The following LHX6 variants were observed in gnomAD, a reference collection of about 807,000 sequenced individuals.
LHX6 encodes the protein LIM homeobox 6.
A neutral mutation model predicts 47.1 loss-of-function variants in LHX6; 15 were observed. The observed-to-expected ratio is 0.32, with a 90% CI of 0.21 to 0.49. LHX6 has a LOEUF of 0.49. Ranked by LOEUF, LHX6 falls within the 20% of genes least tolerant of loss-of-function variation. The pLI is 0.99. For synonymous variants in LHX6, 242 were observed against 233.5 expected (o/e 1.04, Z -0.33); for missense variants, 404 against 539.6 (o/e 0.75, Z 2.49).
intron 9 of LHX6, among the ~76,000 whole-genome samples, chr9:122,207,512 C>T (rs974183676): frequency 3.3e-5 from 5 of 152,164 alleles, no homozygotes; most frequent in African/African-American, 9.7e-5. Flanking sequence ...GAAGTAGCTG[C>T]CTTGAACAGA....
intron 4 of LHX6, among the ~76,000 whole-genome samples, chr9:122,224,874 C>T (rs1564445961): frequency 6.6e-6 from 1 of 152,190 alleles, no homozygotes; most frequent in Non-Finnish European, 1.5e-5. Context: ...CTGCACAGAT[C>T]CCAGACAATA....
At position 122,226,330 on chromosome 9, in the gene LHX6, G is replaced by A. The variant is rs201673615; in HGVS notation, c.461+46C>T. 2,582 of 1,579,636 alleles carry A rather than the reference G, an allele frequency of 1.6e-3. 3 individuals are homozygous for A. Among genetic ancestry groups the A allele is most frequent in the Middle Eastern group, 4.3e-3 (24 of 5,614 alleles). On this transcript the variant is annotated intron_variant, in intron 4 of 9. Coordinates refer to ENST00000394319, the MANE Select transcript of LHX6 (RefSeq NM_014368.5). The surrounding 1 kb of genome is among the most constrained non-coding windows in gnomAD (Gnocchi z 6.5). ...GCAAAAGTGGCCTCCGAATGCGCCC[G>A]GGGCCTGCCCTCGGCGACACTGCTG...
Position 122,226,809 on chromosome 9 carries a change from G to T in LHX6, c.339+39C>A. 2 of 1,543,270 alleles carry T rather than the reference G, an allele frequency of 1.3e-6. No homozygotes were observed. Among genetic ancestry groups the T allele is most frequent in the Non-Finnish European group, 1.8e-6 (2 of 1,142,848 alleles). On this transcript the variant is annotated intron_variant, in intron 3 of 9. Transcript: ENST00000394319. The surrounding 1 kb of genome is among the most constrained non-coding windows in gnomAD (Gnocchi z 6.5). ...TGCAGTCTCCTGCGCTGCGTCCCAC[G>T]CCCCGACAACACGCACGCAACACCT... is the stretch of plus-strand genomic sequence containing the variant.
intron 9 of LHX6, among the ~76,000 whole-genome samples, chr9:122,206,620 A>G (rs1682655219): frequency 6.6e-6 from 1 of 152,186 alleles, no homozygotes; most frequent in Non-Finnish European, 1.5e-5. Context: ...CAAATCTGAC[A>G]GCCCCCAGCA....
chr9:122,207,761 GCC>G (rs763345593), intron 9 of LHX6, among the ~76,000 whole-genome samples: 1 of 152,122 alleles, frequency 6.6e-6, no homozygotes, highest in East Asian at 1.9e-4. Context: ...AGGAGGCTGA[GCC>G]AGAGGTACCA....
In LHX6 at chr9:122,204,582, G is replaced by A. The variant is rs1376902666; in HGVS notation, c.*178C>T. Reference sequence around the variant, plus strand: ...TCTGTGGTGCTCCTGGTGGGTTCTGGTTCTCAGCAGGAGAGGGAAAGGCCA... The same window carrying A: ...TCTGTGGTGCTCCTGGTGGGTTCTGATTCTCAGCAGGAGAGGGAAAGGCCA... On this transcript the variant is annotated 3_prime_UTR_variant, in exon 10 of 10. Transcript: ENST00000394319. The A allele has an allele frequency of 1.1e-5, 6 of 571,060 alleles. No homozygotes were observed. The highest frequency in any genetic ancestry group is 1.9e-5 in the African/African-American group (1 of 51,930). 35.4% of individuals were successfully genotyped at this position (571,060 alleles called of 1,614,324 possible). A position where few individuals can be genotyped will look rare whatever the true frequency, so the allele number is the denominator to read the frequency against.
chr9:122,211,357 G>C (rs1203518608), intron 8 of LHX6, among the ~76,000 whole-genome samples: 2 of 152,120 alleles, frequency 1.3e-5, no homozygotes, highest in African/African-American at 4.8e-5. Context: ...CAGATTACTT[G>C]GAAAATGTAT....
chr9:122,207,460 G>A (rs1031976916), intron 9 of LHX6, among the ~76,000 whole-genome samples: 2 of 152,170 alleles, frequency 1.3e-5, no homozygotes, highest in African/African-American at 4.8e-5. Flanking sequence ...CCATCTCTAT[G>A]TCCACAAAGT....
intron 1 of LHX6, chr9:122,228,017 A>G: frequency 3.0e-6 from 1 of 338,148 alleles, no homozygotes; most frequent in South Asian, 2.6e-5. Flanking sequence ...TGCAAAAAGG[A>G]GAAAAGAGAG....
chr9:122,211,435 G>C (rs998166184), intron 8 of LHX6, among the ~76,000 whole-genome samples: 6 of 152,184 alleles, frequency 3.9e-5, no homozygotes, highest in African/African-American at 1.4e-4. Flanking sequence ...AAGCCTCCAG[G>C]AAACTCAGTA....
rs1830092063 is a variant in LHX6 at position 122,204,409 on chromosome 9, A to T, written c.*351T>A. 5.7e-6 allele frequency: 2 copies of T among 349,830 alleles called. No individual in the cohort carries two copies. Among genetic ancestry groups the T allele is most frequent in the East Asian group, 8.5e-5 (2 of 23,656 alleles). The allele number at this position is 349,830 out of a possible 1,614,324, so 21.7% of individuals were successfully genotyped here. ...TGTGGGGGAAAAAAACCTGTAAATG[A>T]GAAGGCCGTTGGCATCGCACAATTC... is the stretch of plus-strand genomic sequence containing the variant. On this transcript the variant is annotated 3_prime_UTR_variant, in exon 10 of 10. Coordinates refer to ENST00000394319, the MANE Select transcript of LHX6 (RefSeq NM_014368.5).
At position 122,226,790 on chromosome 9, in the gene LHX6, C is replaced by G; in HGVS notation, c.339+58G>C. The G allele has an allele frequency of 1.3e-6, 2 of 1,519,390 alleles. No homozygotes were observed. The highest frequency in any genetic ancestry group is 1.8e-6 in the Non-Finnish European group (2 of 1,127,318). The allele number at this position is 1,519,390 out of a possible 1,614,324, so 94.1% of individuals were successfully genotyped here. A position where few individuals can be genotyped will look rare whatever the true frequency, so the allele number is the denominator to read the frequency against. Reference sequence around the variant, plus strand: ...AGGACCTGCGGTGCTTCCCTGCAGTCTCCTGCGCTGCGTCCCACGCCCCGA... The same window carrying G: ...AGGACCTGCGGTGCTTCCCTGCAGTGTCCTGCGCTGCGTCCCACGCCCCGA... On this transcript the variant is annotated intron_variant, in intron 3 of 9. Transcript: ENST00000394319. This position sits in a 1 kb window ranked among gnomAD's most constrained non-coding sequence, Gnocchi z 6.5.
rs1291824569 is a variant in LHX6 at position 122,213,922 on chromosome 9, C to G, written c.879+52G>C. On this transcript the variant is annotated intron_variant, in intron 7 of 9. Transcript: ENST00000394319. This position sits in a 1 kb window ranked among gnomAD's most constrained non-coding sequence, Gnocchi z 5.5. ...CCACCCTCCGCGCCGAGCCCAGCTA[C>G]GAGCTCCGGGGCGTGCCCGCGGTCC... 5.2e-6 allele frequency: 8 copies of G among 1,549,916 alleles called. No individual in the cohort carries two copies. In the East Asian group the frequency reaches 1.4e-4, roughly 26 times the overall value.
chr9:122,214,063 G>A lies in LHX6; in HGVS notation c.790C>T (p.Gln264Ter), dbSNP rs868128260. 1 of 1,601,020 alleles carries A rather than the reference G, an allele frequency of 6.2e-7. No individual in the cohort carries two copies. The stretch of plus-strand genomic sequence containing the variant: ...TTGTTGTCCTGCGCGAACTGCGCCT[G>A]CATAACCTGCGGGGCGGGGAGGGCG... The part of the protein sequence containing the change: ...SFTAEQLQVM[Q>*]AQFAQDNNPD... The change falls in exon 7 of 10, where the codon CAG (glutamine) becomes TAG (stop). Residue 264 changes from glutamine (Q) to a stop codon, truncating the protein, a stop_gained. Coordinates refer to ENST00000394319, the MANE Select transcript of LHX6 (RefSeq NM_014368.5). LOFTEE classifies it high-confidence loss of function. This position sits in a 1 kb window ranked among gnomAD's most constrained non-coding sequence, Gnocchi z 4.6.
At position 122,226,377 on chromosome 9, in the gene LHX6, T is replaced by G; in HGVS notation, c.460A>C (p.Ser154Arg). 6.2e-7 allele frequency: 1 copy of G among 1,612,088 alleles called. No homozygotes were observed. Among genetic ancestry groups the G allele is most frequent in the Non-Finnish European group, 8.5e-7 (1 of 1,179,146 alleles). Reference protein sequence around the residue: ...KEIFCKMDYFSRFGTKCARCG... With the variant: ...KEIFCKMDYFRRFGTKCARCG... ...GCTGGCTCGGCGGCCGCAGCCTACC[T>G]GAAGTAGTCCATCTTGCAGAAGATC... The change falls in exon 4 of 10, where the codon AGC (serine) becomes CGC (arginine). Residue 154 changes from serine to arginine, a missense_variant and splice_region_variant. Coordinates refer to ENST00000394319, the MANE Select transcript of LHX6 (RefSeq NM_014368.5). The surrounding 1 kb of genome is among the most constrained non-coding windows in gnomAD (Gnocchi z 6.5).
At chr9:122,205,167 G>A (rs1050234120) in intron 9 of LHX6, among the ~76,000 whole-genome samples, 1 of 152,220 alleles carries the variant, frequency 6.6e-6, no homozygotes, top group African/African-American at 2.4e-5. Flanking sequence ...TCAAAGAGGT[G>A]GAAGCGAGTG....
intron 4 of LHX6, among the ~76,000 whole-genome samples, chr9:122,219,346 C>T (rs1266511889): frequency 6.6e-6 from 1 of 152,224 alleles, no homozygotes; most frequent in Non-Finnish European, 1.5e-5. Context: ...CCCCTAAGCA[C>T]AGGCGGTTCC....
chr9:122,209,563 AT>A, intron 9 of LHX6, 50 bp downstream of exon 9: 1 of 1,612,084 alleles, frequency 6.2e-7, no homozygotes, highest in Non-Finnish European at 8.5e-7. Context: ...CCAGAAACCC[AT>A]CCCCAGCAGG....
chr9:122,212,519 T>A (rs1830434662), intron 8 of LHX6, among the ~76,000 whole-genome samples: 1 of 152,220 alleles, frequency 6.6e-6, no homozygotes, highest in African/African-American at 2.4e-5. Flanking sequence ...CGCAGTCATT[T>A]ACATTTTTTT....
Sources: gnomAD v4.1 joint callset for allele counts (sites outside exome capture counted in the v4.1 genomes callset) on GRCh38, gnomAD v4.1.1 for gene constraint, Gnocchi (gnomAD v3.1) non-coding constraint, MANE v1.5 for transcripts, NCBI Gene and HGNC (gene_info 2026-07-23, HGNC 2026-07-21) for gene names.